Variants in SIDT1 observed in about 807,000 individuals in gnomAD.
SIDT1 encodes the protein SID1 transmembrane family member 1, also known as SID1 transmembrane family, member 1.
Under a neutral mutation model 107.5 loss-of-function variants are expected in SIDT1, and 101 were observed. The ratio of observed to expected loss-of-function variants is 0.94; its 90% CI spans 0.80 to 1.11. SIDT1 has a LOEUF of 1.11. Among genes scored for constraint, SIDT1 ranks in the 50% least tolerant of loss-of-function variants. The probability of loss-of-function intolerance (pLI) is 0.00; values close to 1 mark genes in which losing one functional copy is unlikely to be tolerated. For missense variants in SIDT1, 1,076 were observed against 1,058.2 expected (o/e 1.02, Z -0.23); for synonymous variants, 395 against 398.2 (o/e 0.99, Z 0.10).
intron 13 of SIDT1, 59 bp downstream of exon 13, chr3:113,604,092 G>C (rs1576926215): frequency 8.1e-7 from 1 of 1,227,086 alleles, no homozygotes; most frequent in Non-Finnish European, 1.2e-6. Flanking sequence ...TTCTTAGTCA[G>C]AGCCACAACC....
intron 3 of SIDT1, among the ~76,000 whole-genome samples, chr3:113,569,650 A>G (rs1187446960): frequency 6.6e-6 from 1 of 152,152 alleles, no homozygotes; most frequent in Non-Finnish European, 1.5e-5. Context: ...ATTTTTTCTC[A>G]AGTCCCTCCA....
At chr3:113,547,075 A>C (rs1939674286) in intron 1 of SIDT1, among the ~76,000 whole-genome samples, 2 of 152,130 alleles carry the variant, frequency 1.3e-5, no homozygotes, top group Non-Finnish European at 2.9e-5. Flanking sequence ...ACACACATAA[A>C]AACCAACTTC....
At chr3:113,555,849 CTTTTT>C (rs11367567) in intron 1 of SIDT1, among the ~76,000 whole-genome samples, 48 of 126,770 alleles carry the variant, frequency 3.8e-4, no homozygotes, top group African/African-American at 6.8e-4. Flanking sequence ...ACTATATAAT[CTTTTT>C]TTTTTTTTTT....
downstream of SIDT1, among the ~76,000 whole-genome samples, chr3:113,633,330 G>A (rs1947105607): frequency 6.6e-6 from 1 of 152,150 alleles, no homozygotes; most frequent in Non-Finnish European, 1.5e-5. Flanking sequence ...TCCTCCAAAT[G>A]TGTCTGAGAA....
At chr3:113,543,091 C>T (rs2107608015) in intron 1 of SIDT1, among the ~76,000 whole-genome samples, 1 of 152,204 alleles carries the variant, frequency 6.6e-6, no homozygotes. Context: ...CAGGCATGCA[C>T]CACCATGCCC....
At chr3:113,593,459 A>G (rs1279968768) in intron 10 of SIDT1, among the ~76,000 whole-genome samples, 1 of 152,138 alleles carries the variant, frequency 6.6e-6, no homozygotes, top group Non-Finnish European at 1.5e-5. Context: ...GCCATAACCC[A>G]TCCCCACCCC....
In SIDT1 at chr3:113,581,142, T is replaced by A. The variant is rs374254819; in HGVS notation, c.664-219T>A. Among the ~76,000 whole-genome samples, 7 of 152,242 alleles carry A rather than the reference T, an allele frequency of 4.6e-5. No individual in the cohort carries two copies. The South Asian group carries it at 1.0e-3, about 23-fold the overall frequency. On this transcript the variant is annotated intron_variant, in intron 5 of 24. Coordinates refer to ENST00000264852, the MANE Select transcript of SIDT1 (RefSeq NM_017699.3). The stretch of plus-strand genomic sequence containing the variant: ...CACTTTAAGACAATATTTTTATAGT[T>A]CTCTTCAATATAACATGACTTTGAC...
At chr3:113,559,506 A>G (rs1308122558) in intron 1 of SIDT1, among the ~76,000 whole-genome samples, 4 of 151,688 alleles carry the variant, frequency 2.6e-5, no homozygotes, top group Admixed American at 6.6e-5. Context: ...TAGTGGCCCA[A>G]TCTGGGCTCA....
chr3:113,583,337 C>G, intron 6 of SIDT1, 72 bp from the exon 7 acceptor site: 1 of 1,149,546 alleles, frequency 8.7e-7, no homozygotes, highest in East Asian at 2.4e-5. Flanking sequence ...TCTTTCTGCC[C>G]CTACCCCCAG....
At chr3:113,562,453 A>G (rs1195428084) in intron 1 of SIDT1, among the ~76,000 whole-genome samples, 1 of 152,228 alleles carries the variant, frequency 6.6e-6, no homozygotes, top group African/African-American at 2.4e-5. Flanking sequence ...ATAGCTAAAA[A>G]GTTAAAACAA....
intron 14 of SIDT1, chr3:113,606,811 G>C (rs959020482): frequency 2.2e-6 from 1 of 444,822 alleles, no homozygotes; most frequent in Non-Finnish European, 4.0e-6. Flanking sequence ...GGCTGCATAA[G>C]AGGGTACACA....
intron 3 of SIDT1, among the ~76,000 whole-genome samples, chr3:113,569,237 T>C (rs1203070412): frequency 6.6e-6 from 1 of 152,036 alleles, no homozygotes; most frequent in Non-Finnish European, 1.5e-5. Context: ...TATTCTGTGA[T>C]GCTGGAAGTC....
At position 113,583,497 on chromosome 3, in the gene SIDT1, G is replaced by T; in HGVS notation, c.835+1G>T. 6.3e-7 allele frequency: 1 copy of T among 1,581,718 alleles called. No individual in the cohort carries two copies. The highest frequency in any genetic ancestry group is 8.6e-7 in the Non-Finnish European group (1 of 1,156,648). ...TGTGGAGGATCTTTCTTCATCCAGGGTAAGAGCTAGTGAGGAACACTTGGC... is the reference window on the plus strand; with the variant it reads ...TGTGGAGGATCTTTCTTCATCCAGGTTAAGAGCTAGTGAGGAACACTTGGC... On this transcript the variant is annotated splice_donor_variant, in intron 7 of 24. Transcript: ENST00000264852. LOFTEE classifies it high-confidence loss of function.
chr3:113,623,013 C>A (rs1379422040), intron 21 of SIDT1, among the ~76,000 whole-genome samples: 1 of 151,480 alleles, frequency 6.6e-6, no homozygotes, highest in Non-Finnish European at 1.5e-5. Flanking sequence ...CATAGCAAGA[C>A]CCTGCCTCTA....
At chr3:113,600,258 C>T (rs1432613952) in intron 10 of SIDT1, among the ~76,000 whole-genome samples, 1 of 151,848 alleles carries the variant, frequency 6.6e-6, no homozygotes, top group Non-Finnish European at 1.5e-5. Flanking sequence ...TGCAGTGAGC[C>T]GAGATCGTAC....
chr3:113,626,875 C>T (rs1249911239), intron 24 of SIDT1, among the ~76,000 whole-genome samples: 3 of 152,154 alleles, frequency 2.0e-5, no homozygotes, highest in East Asian at 1.9e-4. Flanking sequence ...ACTAGACTCC[C>T]GGGCTCCAGA....
chr3:113,533,000 G>C lies in SIDT1; in HGVS notation c.-22G>C, dbSNP rs1428470131. 1 of 1,340,168 alleles carries C rather than the reference G, an allele frequency of 7.5e-7. No homozygotes were observed. The allele number at this position is 1,340,168 out of a possible 1,614,324, so 83.0% of individuals were successfully genotyped here. On this transcript the variant is annotated 5_prime_UTR_variant, in exon 1 of 25. Coordinates refer to ENST00000264852, the MANE Select transcript of SIDT1 (RefSeq NM_017699.3). Reference sequence around the variant, plus strand: ...CCCTCCCCAGGGTGGCTCCGCTTTCGAGCCCGGGCGCGGTGCCCACCATGC... The same window carrying C: ...CCCTCCCCAGGGTGGCTCCGCTTTCCAGCCCGGGCGCGGTGCCCACCATGC...
In SIDT1 at chr3:113,615,023, CT is replaced by C. The variant is rs575668571; in HGVS notation, c.1967-1069del. The C allele has an allele frequency of 8.9e-5, 137 of 1,533,790 alleles. No homozygotes were observed. In the African/African-American group the frequency reaches 1.4e-3, roughly 16 times the overall value. The stretch of plus-strand genomic sequence containing the variant: ...TTTGGCTACTTTCTTACACGTCTCT[CT>C]TTTTTTTCTCCTTTCTTCTCTGCTT... On this transcript the variant is annotated intron_variant, in intron 19 of 24. Coordinates refer to ENST00000264852, the MANE Select transcript of SIDT1 (RefSeq NM_017699.3).
intron 9 of SIDT1, among the ~76,000 whole-genome samples, chr3:113,590,478 C>A (rs547284639): frequency 1.3e-5 from 2 of 152,300 alleles, no homozygotes; most frequent in Admixed American, 1.3e-4. Context: ...TATTGAGATA[C>A]AATTCATAGA....
Sources: gnomAD v4.1 joint callset for allele counts (sites outside exome capture counted in the v4.1 genomes callset) on GRCh38, gnomAD v4.1.1 for gene constraint, MANE v1.5 for transcripts, NCBI Gene and HGNC (gene_info 2026-07-23, HGNC 2026-07-21) for gene names.